Variants in SDCCAG8 observed in about 807,000 individuals in gnomAD.
SDCCAG8 encodes the protein SHH signaling and ciliogenesis regulator SDCCAG8.
A neutral mutation model predicts 101.8 loss-of-function variants in SDCCAG8; 74 were observed. The ratio of observed to expected loss-of-function variants is 0.73; its 90% CI spans 0.60 to 0.88. The LOEUF is 0.88. Among genes scored for constraint, SDCCAG8 ranks in the 40% least tolerant of loss-of-function variants. SDCCAG8 has a pLI of 0.00. For synonymous variants in SDCCAG8, 281 were observed against 292.9 expected, an observed-to-expected ratio of 0.96 and a Z score of 0.41; for missense variants, 787 against 822.6, an observed-to-expected ratio of 0.96 and a Z score of 0.53.
Position 243,316,791 on chromosome 1 carries a change from A to T in SDCCAG8, c.966A>T (p.Val322=). The T allele has an allele frequency of 6.2e-7, 1 of 1,614,218 alleles. No individual in the cohort carries two copies. The highest frequency in any genetic ancestry group is 1.1e-5 in the South Asian group (1 of 91,088). Residue 322 remains valine (V), a synonymous_variant, in exon 9 of 18, where the codon GTA becomes GTT. Transcript: ENST00000366541. ...RDDLMSALVS[V]RSSLADTQQR... is the part of the protein sequence containing the mutation. The stretch of plus-strand genomic sequence containing the variant: ...ACTTGATGTCTGCACTAGTTTCCGT[A>T]AGGAGCAGCTTGGCAGATACGCAGC...
chr1:243,347,969 T>G (rs1341544677), intron 12 of SDCCAG8, among the ~76,000 whole-genome samples: 3 of 151,444 alleles, frequency 2.0e-5, no homozygotes, highest in Non-Finnish European at 4.4e-5. Context: ...TCCTTTCTTC[T>G]TCAGTCTCTC....
intron 17 of SDCCAG8, among the ~76,000 whole-genome samples, chr1:243,496,778 C>T (rs1245757030): frequency 1.3e-5 from 2 of 152,258 alleles, no homozygotes; most frequent in African/African-American, 4.8e-5. Flanking sequence ...TGATTTCTTA[C>T]ACTCAGAACT....
At chr1:243,433,926 G>A (rs12039979) in intron 16 of SDCCAG8, among the ~76,000 whole-genome samples, 25,178 of 152,156 alleles carry the variant, frequency 0.17, 2,251 homozygotes, top group African/African-American at 0.21. Context: ...TCTACTGGCC[G>A]CCTCCACACC....
intron 16 of SDCCAG8, among the ~76,000 whole-genome samples, chr1:243,435,738 A>ATGTGTG (rs113830682): frequency 0.014 from 2,124 of 150,310 alleles, 55 homozygotes; most frequent in African/African-American, 0.048. Flanking sequence ...GAACATGTGA[A>ATGTGTG]TGTGTGTGTG....
intron 10 of SDCCAG8, among the ~76,000 whole-genome samples, chr1:243,331,490 T>A (rs780208206): frequency 2.4e-4 from 36 of 152,210 alleles, no homozygotes; most frequent in Non-Finnish European, 4.6e-4. Flanking sequence ...TGCAAAGCAA[T>A]GTGGAGGCCT....
intron 1 of SDCCAG8, chr1:243,267,620 AG>A: frequency 1.6e-6 from 1 of 634,274 alleles, no homozygotes. Flanking sequence ...AAAAAAAAAA[AG>A]TCCCGGTCAA....
At chr1:243,454,179 G>A (rs969288135) in intron 16 of SDCCAG8, among the ~76,000 whole-genome samples, 4 of 152,006 alleles carry the variant, frequency 2.6e-5, no homozygotes. Context: ...TGATGAATAT[G>A]GTATTTTGCT....
intron 9 of SDCCAG8, among the ~76,000 whole-genome samples, chr1:243,325,232 T>A (rs534344674): frequency 1.3e-5 from 2 of 152,342 alleles, no homozygotes; most frequent in East Asian, 1.9e-4. Context: ...ATTAATTTTT[T>A]AAAAAATTTA....
intron 13 of SDCCAG8, among the ~76,000 whole-genome samples, chr1:243,392,804 T>C (rs536041308): frequency 6.6e-6 from 1 of 152,334 alleles, no homozygotes; most frequent in East Asian, 1.9e-4. Flanking sequence ...TGGGACTATG[T>C]TGCTGTGATT....
At chr1:243,488,986 T>A in intron 16 of SDCCAG8, 28 bp from the exon 17 acceptor site, 1 of 1,613,202 alleles carries the variant, frequency 6.2e-7, no homozygotes, top group African/African-American at 1.3e-5. Context: ...GTTATCCCTC[T>A]TTAATTCTGC....
At chr1:243,459,751 C>T (rs1180137380) in intron 16 of SDCCAG8, among the ~76,000 whole-genome samples, 1 of 152,012 alleles carries the variant, frequency 6.6e-6, no homozygotes, top group Non-Finnish European at 1.5e-5. Context: ...GGACTACAGG[C>T]GTACCAACAC....
chr1:243,375,744 A>G (rs1360319959), intron 12 of SDCCAG8, among the ~76,000 whole-genome samples: 1 of 152,110 alleles, frequency 6.6e-6, no homozygotes, highest in African/African-American at 2.4e-5. Flanking sequence ...TCCCCAAGCT[A>G]CTATATACAG....
At chr1:243,411,421 A>G (rs1327318041) in intron 13 of SDCCAG8, among the ~76,000 whole-genome samples, 3 of 152,112 alleles carry the variant, frequency 2.0e-5, no homozygotes, top group African/African-American at 7.2e-5. Context: ...TGCTCCTTTT[A>G]AAGATCAGCT....
intron 1 of SDCCAG8, among the ~76,000 whole-genome samples, chr1:243,260,684 C>T (rs2067133680): frequency 6.6e-6 from 1 of 152,210 alleles, no homozygotes; most frequent in Admixed American, 6.5e-5. Context: ...ATACATGACT[C>T]ACCTATTCAC....
At chr1:243,476,318 T>C (rs1662405683) in intron 16 of SDCCAG8, 1 of 985,368 alleles carries the variant, frequency 1.0e-6, no homozygotes, top group Non-Finnish European at 1.2e-6. Context: ...CCAGGAGTTG[T>C]TATCAAATTA....
intron 16 of SDCCAG8, among the ~76,000 whole-genome samples, chr1:243,478,288 C>T (rs752293356): frequency 3.9e-5 from 6 of 152,230 alleles, no homozygotes; most frequent in Non-Finnish European, 5.9e-5. Flanking sequence ...TGGGCTCTAG[C>T]GCCAGATTTA....
chr1:243,345,918 T>C (rs1477755170), intron 12 of SDCCAG8, among the ~76,000 whole-genome samples: 1 of 152,228 alleles, frequency 6.6e-6, no homozygotes, highest in Non-Finnish European at 1.5e-5. Context: ...GAAACAATAG[T>C]AGTTTTCATA....
chr1:243,311,758 T>A (rs1005455004), intron 8 of SDCCAG8, among the ~76,000 whole-genome samples: 2 of 138,668 alleles, frequency 1.4e-5, no homozygotes, highest in South Asian at 5.4e-4. Context: ...CTACAAAAAA[T>A]TTAAAAATTA....
chr1:243,325,125 A>T (rs1447675091), intron 9 of SDCCAG8, among the ~76,000 whole-genome samples: 4 of 152,210 alleles, frequency 2.6e-5, no homozygotes, highest in African/African-American at 9.6e-5. Flanking sequence ...CAGGTCTGTG[A>T]CATCTATCAT....
Sources: allele counts gnomAD v4.1 joint callset (sites outside exome capture counted in the v4.1 genomes callset), GRCh38; gene constraint gnomAD v4.1.1; transcripts MANE v1.5; gene names NCBI Gene and HGNC (gene_info 2026-07-23, HGNC 2026-07-21).